Variants in PKNOX2 observed in about 807,000 individuals in gnomAD.
The protein encoded by PKNOX2 is homeobox protein PKNOX2.
In PKNOX2, 14 loss-of-function variants were observed where a neutral mutation model predicts 53.1. The ratio of observed to expected loss-of-function variants is 0.26; its 90% confidence interval spans 0.17 to 0.41. PKNOX2 has a LOEUF of 0.41. PKNOX2 is among the 10% of genes least tolerant of loss of function. PKNOX2 has a pLI of 1.00. For synonymous variants in PKNOX2, 257 were observed against 242.8 expected, an observed-to-expected ratio of 1.06 and a Z score of -0.54; for missense variants, 496 against 602.8, an observed-to-expected ratio of 0.82 and a Z score of 1.85.
chr11:125,307,363 G>C (rs1397492223), intron 2 of PKNOX2, among the ~76,000 whole-genome samples: 1 of 152,162 alleles, frequency 6.6e-6, no homozygotes, highest in Non-Finnish European at 1.5e-5. Context: ...TGGATCACCA[G>C]CCTGGCCAAC....
intron 1 of PKNOX2, among the ~76,000 whole-genome samples, chr11:125,172,992 C>T (rs534215930): frequency 3.9e-5 from 6 of 152,288 alleles, no homozygotes; most frequent in African/African-American, 1.2e-4. Context: ...GTTGAGACAG[C>T]GTGGGGCTAG....
chr11:125,196,904 T>TAGTA (rs1412661106), intron 1 of PKNOX2, among the ~76,000 whole-genome samples: 2 of 152,206 alleles, frequency 1.3e-5, no homozygotes, highest in Non-Finnish European at 2.9e-5. Flanking sequence ...GAGGCCTTTG[T>TAGTA]AGTAGTGCCT....
intron 2 of PKNOX2, among the ~76,000 whole-genome samples, chr11:125,279,594 G>T (rs552749897): frequency 2.0e-5 from 3 of 152,150 alleles, no homozygotes; most frequent in South Asian, 2.1e-4. Context: ...AGGGGCATCT[G>T]GTGGGCCCTG....
intron 1 of PKNOX2, among the ~76,000 whole-genome samples, chr11:125,197,774 C>T (rs1156377385): frequency 3.9e-5 from 6 of 152,184 alleles, no homozygotes; most frequent in Admixed American, 2.0e-4. Flanking sequence ...CTACGGCTGC[C>T]GGTGCAGAGC....
intron 2 of PKNOX2, among the ~76,000 whole-genome samples, chr11:125,268,289 G>A (rs891203955): frequency 3.9e-5 from 6 of 152,294 alleles, no homozygotes; most frequent in African/African-American, 7.2e-5. Context: ...TTTGGGAACC[G>A]CGTGCTGTAG....
chr11:125,237,010 G>A (rs1942749297), intron 2 of PKNOX2, among the ~76,000 whole-genome samples: 1 of 152,212 alleles, frequency 6.6e-6, no homozygotes, highest in Non-Finnish European at 1.5e-5. Flanking sequence ...GCGTGGTGGG[G>A]CAGCTTGTCT....
In PKNOX2 at chr11:125,291,943, G is replaced by A. The variant is rs1018533469; in HGVS notation, c.-129-39876G>A. On this transcript the variant is annotated intron_variant, in intron 2 of 12. Transcript: ENST00000298282. ...ATGGGGAATTATTGATTTAAAGGGT[G>A]CAGAGTTTCTGTTTGGGGTGATGGA... Among the ~76,000 whole-genome samples the A allele has an allele frequency of 2.6e-5, 4 of 152,296 alleles. No individual in the cohort carries two copies. The East Asian group carries it at 5.8e-4, about 22-fold the overall frequency.
intron 5 of PKNOX2, among the ~76,000 whole-genome samples, chr11:125,369,234 C>T (rs1952383340): frequency 1.3e-5 from 2 of 152,224 alleles, no homozygotes; most frequent in Non-Finnish European, 2.9e-5. Context: ...AGGGGCCTCC[C>T]AGGCCCAGGA....
rs559820481 is a variant in PKNOX2, at chr11:125,166,481, C to A, written c.-201+1705C>A. On this transcript the variant is annotated intron_variant, in intron 1 of 12. Coordinates refer to ENST00000298282, the MANE Select transcript of PKNOX2 (RefSeq NM_001382323.2). This position sits in a 1 kb window ranked among gnomAD's most constrained non-coding sequence, Gnocchi z 4.0. ...AGACCTTCTGGGCGAAGCGGCAGGG[C>A]AGCCTCGCGGGGCTGGGAGTGGATC... 1.3e-5 allele frequency among the ~76,000 whole-genome samples: 2 copies of A among 152,318 alleles called. No homozygotes were observed. Among genetic ancestry groups the A allele is most frequent in the South Asian group, 4.1e-4 (2 of 4,826 alleles).
At position 125,342,010 on chromosome 11, in the gene PKNOX2, T is replaced by C. The variant is rs193281572; in HGVS notation, c.-22-9274T>C. ...GCCGATCCCATTGCCATGGGCTCTA[T>C]TTAGAGCTCTTGTTTCTTGTGAGCT... On this transcript the variant is annotated intron_variant, in intron 3 of 12. Coordinates refer to ENST00000298282, the MANE Select transcript of PKNOX2 (RefSeq NM_001382323.2). Among the ~76,000 whole-genome samples, 24 of 152,308 alleles carry C rather than the reference T, an allele frequency of 1.6e-4. No homozygotes were observed. In the East Asian group the frequency reaches 3.3e-3, roughly 21 times the overall value.
chr11:125,222,686 ATGTG>A (rs542969106), intron 1 of PKNOX2, among the ~76,000 whole-genome samples: 2 of 113,544 alleles, frequency 1.8e-5, no homozygotes, highest in Non-Finnish European at 3.5e-5. Context: ...GTGTGTGCGT[ATGTG>A]TGTGTATGTG....
At chr11:125,241,858 A>G (rs1943169889) in intron 2 of PKNOX2, among the ~76,000 whole-genome samples, 1 of 152,174 alleles carries the variant, frequency 6.6e-6, no homozygotes, top group South Asian at 2.1e-4. Context: ...TCATCAAAAA[A>G]CAACAACAAA....
At chr11:125,229,023 C>A (rs1303906375) in intron 1 of PKNOX2, among the ~76,000 whole-genome samples, 1 of 152,164 alleles carries the variant, frequency 6.6e-6, no homozygotes, top group African/African-American at 2.4e-5. Context: ...GCAGTAAGAC[C>A]TTTCCCCAGC....
intron 2 of PKNOX2, among the ~76,000 whole-genome samples, chr11:125,299,411 C>T (rs764046513): frequency 7.2e-5 from 11 of 151,920 alleles, no homozygotes; most frequent in South Asian, 6.2e-4. Context: ...GGGCACAAGA[C>T]GAGGAGCCAG....
intron 10 of PKNOX2, among the ~76,000 whole-genome samples, chr11:125,428,254 C>A (rs759095478): frequency 2.0e-5 from 3 of 152,014 alleles, no homozygotes; most frequent in African/African-American, 4.8e-5. Flanking sequence ...CTCTTTCTCA[C>A]CTCCACTCAG....
At chr11:125,239,998 T>G (rs1342331364) in intron 2 of PKNOX2, 1 of 152,264 alleles carries the variant, frequency 6.6e-6, no homozygotes, top group Non-Finnish European at 1.5e-5. Flanking sequence ...ATGGCTGTTC[T>G]GTGATTCCTG....
At chr11:125,421,749 A>G (rs608501) in intron 10 of PKNOX2, among the ~76,000 whole-genome samples, 82,605 of 152,128 alleles carry the variant, frequency 0.54, 22,631 homozygotes, top group East Asian at 0.68. Flanking sequence ...ATGTCAGCAC[A>G]CATAGAAAAT....
chr11:125,333,473 T>G (rs141538181), intron 3 of PKNOX2, among the ~76,000 whole-genome samples: 1 of 152,082 alleles, frequency 6.6e-6, no homozygotes, highest in Non-Finnish European at 1.5e-5. Context: ...ATGGAAGGCT[T>G]CCACAGATGG....
In PKNOX2 at chr11:125,254,638, A is replaced by G. The variant is rs189392312; in HGVS notation, c.-130+19523A>G. On this transcript the variant is annotated intron_variant, in intron 2 of 12. Coordinates refer to ENST00000298282, the MANE Select transcript of PKNOX2 (RefSeq NM_001382323.2). ...TGCACAGGTTGTGTAGGGGATCACA[A>G]CCGCATTGTGACACTACCTGTCATC... 2.6e-4 allele frequency among the ~76,000 whole-genome samples: 40 copies of G among 152,204 alleles called. 1 individual carries two copies. In the East Asian group the frequency reaches 7.5e-3, roughly 29 times the overall value.
Sources: gnomAD v4.1 joint callset for allele counts (sites outside exome capture counted in the v4.1 genomes callset) on GRCh38, gnomAD v4.1.1 for gene constraint, Gnocchi (gnomAD v3.1) non-coding constraint, MANE v1.5 for transcripts, NCBI Gene and HGNC (gene_info 2026-07-23, HGNC 2026-07-21) for gene names.